The following CCSER1 variants were observed in gnomAD, a reference collection of about 807,000 sequenced individuals.
CCSER1 encodes coiled-coil serine rich protein 1.
Under a neutral mutation model 82.0 loss-of-function variants are expected in CCSER1, and 41 were observed. That is an observed-to-expected ratio of 0.50 (90% CI 0.39 to 0.65). The LOEUF (loss-of-function observed/expected upper bound fraction) is 0.65. Among genes scored for constraint, CCSER1 ranks in the 30% least tolerant of loss-of-function variants. CCSER1 has a pLI of 0.00. For missense variants in CCSER1, 1,119 were observed against 1,064.2 expected (o/e 1.05, Z -0.72); for synonymous variants, 414 against 383.9 (o/e 1.08, Z -0.92).
At chr4:91,576,151 A>G (rs1353787769) in intron 10 of CCSER1, among the ~76,000 whole-genome samples, 1 of 151,966 alleles carries the variant, frequency 6.6e-6, no homozygotes, top group African/African-American at 2.4e-5. Flanking sequence ...CTATCTATCT[A>G]TCAATCATCT....
chr4:90,833,185 C>T (rs1014501900), intron 8 of CCSER1, among the ~76,000 whole-genome samples: 1 of 152,162 alleles, frequency 6.6e-6, no homozygotes, highest in Non-Finnish European at 1.5e-5. Flanking sequence ...TTTTACCCTG[C>T]TTCCAAGATG....
chr4:90,484,030 C>G (rs981786471), intron 5 of CCSER1, among the ~76,000 whole-genome samples: 10 of 152,192 alleles, frequency 6.6e-5, no homozygotes, highest in Non-Finnish European at 1.0e-4. Flanking sequence ...TAGATTTGGT[C>G]TTTTCACATA....
intron 1 of CCSER1, among the ~76,000 whole-genome samples, chr4:90,177,739 G>A (rs1193479229): frequency 2.0e-5 from 3 of 152,018 alleles, no homozygotes; most frequent in East Asian, 3.9e-4. Flanking sequence ...TTTCATATGC[G>A]TTTTCCGTGT....
At chr4:91,444,825 T>A (rs1274700582) in intron 10 of CCSER1, among the ~76,000 whole-genome samples, 1 of 152,222 alleles carries the variant, frequency 6.6e-6, no homozygotes, top group African/African-American at 2.4e-5. Flanking sequence ...TATTTGTAGT[T>A]TGTTGTCCTT....
rs146958250 is a variant in CCSER1 at position 90,866,502 on chromosome 4, T to A, written c.2094+50657T>A. On this transcript the variant is annotated intron_variant, in intron 8 of 10. Transcript: ENST00000509176. The stretch of plus-strand genomic sequence containing the variant: ...ACAATTTGGAAACTAATTATTGATC[T>A]TCTTCTACTTGTTTCACATATCCTT... 8.5e-5 allele frequency among the ~76,000 whole-genome samples: 13 copies of A among 152,148 alleles called. No homozygotes were observed. In the East Asian group the frequency reaches 2.5e-3, roughly 30 times the overall value.
intron 9 of CCSER1, among the ~76,000 whole-genome samples, chr4:90,936,602 C>T (rs1730965247): frequency 6.6e-6 from 1 of 151,914 alleles, no homozygotes; most frequent in African/African-American, 2.4e-5. Flanking sequence ...TGGTATTTTT[C>T]CCTTCATTTT....
At chr4:90,692,564 C>A (rs1281354330) in intron 6 of CCSER1, among the ~76,000 whole-genome samples, 1 of 151,946 alleles carries the variant, frequency 6.6e-6, no homozygotes, top group African/African-American at 2.4e-5. Flanking sequence ...ATTCAAGCTA[C>A]AGTACTAGCA....
Position 90,803,495 on chromosome 4 carries a change from A to G in CCSER1, c.2011-12267A>G, listed in dbSNP as rs1231885517. Among the ~76,000 whole-genome samples the G allele has an allele frequency of 3.3e-5, 5 of 152,146 alleles. No individual in the cohort carries two copies. The East Asian group carries it at 9.6e-4, about 29-fold the overall frequency. On this transcript the variant is annotated intron_variant, in intron 7 of 10. Transcript: ENST00000509176. Reference sequence around the variant, plus strand: ...TCTGTCCTTGTGATAGTTTGCTGAGAATGATGGTTTCCAGCTTGTTCTATG... The same window carrying G: ...TCTGTCCTTGTGATAGTTTGCTGAGGATGATGGTTTCCAGCTTGTTCTATG...
chr4:91,236,335 A>G (rs1466705139), intron 10 of CCSER1, among the ~76,000 whole-genome samples: 1 of 151,962 alleles, frequency 6.6e-6, no homozygotes, highest in Non-Finnish European at 1.5e-5. Context: ...AAAATACAAA[A>G]ATTAGCTGGG....
intron 10 of CCSER1, among the ~76,000 whole-genome samples, chr4:91,510,878 C>A (rs747466291): frequency 6.6e-6 from 1 of 152,190 alleles, no homozygotes; most frequent in East Asian, 1.9e-4. Context: ...TGCTTTTGAG[C>A]AACTTATTCA....
At chr4:90,814,571 A>G (rs1758756549) in intron 7 of CCSER1, among the ~76,000 whole-genome samples, 1 of 152,112 alleles carries the variant, frequency 6.6e-6, no homozygotes, top group Admixed American at 6.6e-5. Context: ...TTGTTTTTGA[A>G]TGCATATGAC....
chr4:90,265,362 A>T (rs1725053106), intron 1 of CCSER1, among the ~76,000 whole-genome samples: 1 of 151,856 alleles, frequency 6.6e-6, no homozygotes, highest in African/African-American at 2.4e-5. Flanking sequence ...AAGGTAAATG[A>T]CAGTAATGAT....
intron 10 of CCSER1, among the ~76,000 whole-genome samples, chr4:91,379,368 A>T: frequency 6.6e-6 from 1 of 152,128 alleles, no homozygotes; most frequent in East Asian, 1.9e-4. Flanking sequence ...TCGGCTGTGA[A>T]TCCGTCTGGT....
At chr4:91,260,762 A>AT (rs200337175) in intron 10 of CCSER1, among the ~76,000 whole-genome samples, 5 of 150,612 alleles carry the variant, frequency 3.3e-5, no homozygotes, top group South Asian at 4.2e-4. Context: ...TTATTTATTT[A>AT]TTTTTTTATT....
At position 91,269,086 on chromosome 4, in the gene CCSER1, A is replaced by G. The variant is rs2149178927; in HGVS notation, c.2217+183092A>G. ...CTATTTAAAGGCACTTTGGCCTTGC[A>G]AATTCTGTACACTGTCTGGTTTGAT... On this transcript the variant is annotated intron_variant, in intron 10 of 10. Transcript: ENST00000509176. 1.3e-5 allele frequency among the ~76,000 whole-genome samples: 2 copies of G among 152,316 alleles called. 1 individual carries two copies. Among genetic ancestry groups the G allele is most frequent in the Non-Finnish European group, 2.9e-5 (2 of 68,028 alleles).
intron 10 of CCSER1, among the ~76,000 whole-genome samples, chr4:91,528,473 CA>C (rs1760875956): frequency 6.6e-6 from 1 of 151,616 alleles, no homozygotes; most frequent in African/African-American, 2.4e-5. Context: ...TTCCTTTTTC[CA>C]AAAAAAGAGA....
At chr4:90,299,467 C>G (rs1460441551) in intron 1 of CCSER1, among the ~76,000 whole-genome samples, 2 of 152,176 alleles carry the variant, frequency 1.3e-5, no homozygotes, top group African/African-American at 4.8e-5. Context: ...CATATCTAAT[C>G]AATTATGTGA....
At chr4:91,012,757 G>C (rs1739109955) in intron 9 of CCSER1, among the ~76,000 whole-genome samples, 1 of 82,750 alleles carries the variant, frequency 1.2e-5, no homozygotes, top group Non-Finnish European at 3.6e-5. Flanking sequence ...CAGGGGGATG[G>C]TGTTGGCTTA....
chr4:90,232,495 T>C (rs1181274868), intron 1 of CCSER1, among the ~76,000 whole-genome samples: 7 of 151,918 alleles, frequency 4.6e-5, no homozygotes, highest in East Asian at 1.9e-4. Context: ...AAGACTTAAA[T>C]GTTAGACCTA....
Sources: allele counts gnomAD v4.1 joint callset (sites outside exome capture counted in the v4.1 genomes callset), GRCh38; gene constraint gnomAD v4.1.1; transcripts MANE v1.5; gene names NCBI Gene and HGNC (gene_info 2026-07-23, HGNC 2026-07-21).